WDFY4: variants seen among roughly 807,000 people sequenced by gnomAD.
WDFY4 encodes WDFY family member 4.
WDFY4 carries 169 observed loss-of-function variants against 351.9 expected under a neutral mutation model. The observed-to-expected ratio is 0.48, with a 90% CI of 0.42 to 0.55. The LOEUF is 0.55. Among genes scored for constraint, WDFY4 ranks in the 20% least tolerant of loss-of-function variants. The pLI is 0.00. For missense variants in WDFY4, 3,803 were observed against 3,935.6 expected (o/e 0.97, Z 0.90); for synonymous variants, 1,622 against 1,574.6 (o/e 1.03, Z -0.71).
chr10:48,686,199 G>A (rs912912782), intron 1 of WDFY4, among the ~76,000 whole-genome samples: 10 of 151,732 alleles, frequency 6.6e-5, no homozygotes, highest in African/African-American at 9.7e-5. Flanking sequence ...AGAAAATTTC[G>A]GCCAGGCGCA....
chr10:48,977,164 A>G (rs1842604504), intron 59 of WDFY4, 185 bp downstream of exon 59: 1 of 433,102 alleles, frequency 2.3e-6, no homozygotes, highest in Non-Finnish European at 3.9e-6. Flanking sequence ...ATAAAATTAT[A>G]TATATAGTAT....
chr10:48,723,406 G>A (rs1240342178), intron 4 of WDFY4, 27 bp from the exon 5 acceptor site: 1 of 1,546,760 alleles, frequency 6.5e-7, no homozygotes, highest in Non-Finnish European at 8.7e-7. Flanking sequence ...CTTGCTGCCT[G>A]GGGTCACGTG....
intron 2 of WDFY4, among the ~76,000 whole-genome samples, chr10:48,710,910 T>G (rs980234236): frequency 6.6e-6 from 1 of 152,232 alleles, no homozygotes; most frequent in Non-Finnish European, 1.5e-5. Context: ...GTCTGCCTTA[T>G]AGTTGAAGTC....
chr10:48,942,372 G>T (rs559429809), intron 48 of WDFY4, among the ~76,000 whole-genome samples: 1 of 22,308 alleles, frequency 4.5e-5, no homozygotes, highest in African/African-American at 8.0e-5. Flanking sequence ...GGGAATGTGC[G>T]TGTGTGCGTG....
chr10:48,686,308 C>G (rs898659603), intron 1 of WDFY4, among the ~76,000 whole-genome samples: 2 of 128,562 alleles, frequency 1.6e-5, no homozygotes, highest in Admixed American at 1.5e-4. Context: ...CGATGAAACT[C>G]CATCTCCAAA....
chr10:48,869,914 C>T (rs1348422500), intron 40 of WDFY4, among the ~76,000 whole-genome samples: 2 of 152,132 alleles, frequency 1.3e-5, no homozygotes, highest in Non-Finnish European at 2.9e-5. Flanking sequence ...ATATTGGAAA[C>T]TCAACTCAGA....
intron 11 of WDFY4, among the ~76,000 whole-genome samples, chr10:48,740,943 T>A (rs1055841080): frequency 6.6e-6 from 1 of 152,238 alleles, no homozygotes; most frequent in Non-Finnish European, 1.5e-5. Flanking sequence ...TTGGTAAGGA[T>A]GAATCTTTCT....
chr10:48,910,739 T>C (rs755283129), intron 47 of WDFY4: 3 of 165,216 alleles, frequency 1.8e-5, no homozygotes, highest in African/African-American at 7.2e-5. Context: ...AGGCAAAGCA[T>C]GATAAAGCCC....
At chr10:48,788,204 CT>C (rs1201739060) in intron 20 of WDFY4, among the ~76,000 whole-genome samples, 14 of 151,260 alleles carry the variant, frequency 9.3e-5, no homozygotes, top group Non-Finnish European at 1.6e-4. Context: ...ATTTTTTGTA[CT>C]TTTAGTAGAG....
At chr10:48,745,486 G>A in intron 12 of WDFY4, 1 of 257,648 alleles carries the variant, frequency 3.9e-6, no homozygotes, top group Non-Finnish European at 7.6e-6. Context: ...TTTTAAAGTC[G>A]GCTTGAAATA....
chr10:48,826,904 G>C lies in WDFY4; in HGVS notation c.6216G>C (p.Glu2072Asp), dbSNP rs577009141. The change falls in exon 36 of 62, where the codon GAG (glutamate) becomes GAC (aspartate). Residue 2072 changes from glutamate (E) to aspartate (D), a missense_variant. Glu to Asp is a conservative substitution (Grantham distance 45). Transcript: ENST00000325239. The stretch of plus-strand genomic sequence containing the variant: ...TGCATTGCCTTTTGCTACTCAATGA[G>C]AGAAGGTAAGAGCTGCCCACTTGTT... The part of the protein sequence containing the change: ...CLMHCLLLLN[E>D]RSYPEGFGLE... 5 of 1,551,446 alleles carry C rather than the reference G, an allele frequency of 3.2e-6. No individual in the cohort carries two copies. The highest frequency in any genetic ancestry group is 2.7e-5 in the African/African-American group (2 of 73,160).
intron 39 of WDFY4, among the ~76,000 whole-genome samples, chr10:48,840,129 T>A (rs571990122): frequency 2.3e-4 from 35 of 152,338 alleles, no homozygotes; most frequent in Non-Finnish European, 2.9e-5. Flanking sequence ...CTAGTGTTAT[T>A]TTTTAAACCT....
At chr10:48,795,595 G>T (rs1418296759) in intron 23 of WDFY4, among the ~76,000 whole-genome samples, 5 of 149,556 alleles carry the variant, frequency 3.3e-5, no homozygotes, top group African/African-American at 1.2e-4. Flanking sequence ...CAAGGCTTCC[G>T]AAGGGCACGT....
At chr10:48,808,244 T>G (rs1236808689) in intron 28 of WDFY4, among the ~76,000 whole-genome samples, 2 of 152,218 alleles carry the variant, frequency 1.3e-5, no homozygotes, top group African/African-American at 4.8e-5. Flanking sequence ...GTTATTGTTT[T>G]GGCAGTTGTG....
intron 40 of WDFY4, among the ~76,000 whole-genome samples, chr10:48,870,031 G>A (rs1413465480): frequency 6.6e-6 from 1 of 152,190 alleles, no homozygotes; most frequent in Non-Finnish European, 1.5e-5. Flanking sequence ...CTCTGTGTGG[G>A]CTCCTGAGGG....
intron 12 of WDFY4, among the ~76,000 whole-genome samples, chr10:48,759,216 T>A (rs2065425988): frequency 6.6e-6 from 1 of 152,268 alleles, no homozygotes; most frequent in Admixed American, 6.5e-5. Context: ...GTGGTTTACC[T>A]CCTAGTTAGG....
chr10:48,936,861 A>AG (rs1484539451), intron 47 of WDFY4, among the ~76,000 whole-genome samples: 1 of 151,580 alleles, frequency 6.6e-6, no homozygotes, highest in African/African-American at 2.4e-5. Flanking sequence ...AGAAAAAAAA[A>AG]GAAAATTAAA....
intron 2 of WDFY4, among the ~76,000 whole-genome samples, chr10:48,718,824 T>C (rs573249433): frequency 1.9e-4 from 29 of 152,342 alleles, no homozygotes; most frequent in African/African-American, 6.7e-4. Flanking sequence ...ACAGGGCTGC[T>C]ACAGAAATAG....
At chr10:48,929,401 G>A (rs1392985463) in intron 47 of WDFY4, among the ~76,000 whole-genome samples, 1 of 152,154 alleles carries the variant, frequency 6.6e-6, no homozygotes, top group Non-Finnish European at 1.5e-5. Flanking sequence ...ATTGTGTCCT[G>A]GACTCCATAC....
Sources: gnomAD v4.1 joint callset for allele counts (sites outside exome capture counted in the v4.1 genomes callset) on GRCh38, gnomAD v4.1.1 for gene constraint, MANE v1.5 for transcripts, NCBI Gene and HGNC (gene_info 2026-07-23, HGNC 2026-07-21) for gene names.